AR: variants seen among roughly 807,000 people sequenced by gnomAD.
AR encodes androgen receptor.
Under a neutral mutation model 53.9 loss-of-function variants are expected in AR, and 8 were observed. That is an observed-to-expected ratio of 0.15 (90% CI 0.09 to 0.27). The LOEUF (loss-of-function observed/expected upper bound fraction) is 0.27. AR is among the 10% of genes least tolerant of loss of function. The pLI, the probability that AR is intolerant of heterozygous loss-of-function variation, is 1.00. For synonymous variants in AR, 359 were observed against 316.4 expected (o/e 1.13, Z -1.43); for missense variants, 639 against 742.5 (o/e 0.86, Z 1.62).
intron 2 of AR, among the ~76,000 whole-genome samples, chrX:67,657,560 T>A (rs1410788858): frequency 8.9e-6 from 1 of 112,070 alleles, no homozygotes; most frequent in Non-Finnish European, 1.9e-5. Flanking sequence ...GAAACCATGA[T>A]TTTACTTTAA....
chrX:67,667,330 C>T (rs1401955186), intron 2 of AR, among the ~76,000 whole-genome samples: 1 of 111,409 alleles, frequency 9.0e-6, no homozygotes, highest in Non-Finnish European at 1.9e-5. Context: ...CTCTAATATA[C>T]GTTCTTGGCA....
chrX:67,545,858 G>A lies in AR; in HGVS notation c.712G>A (p.Glu238Lys), dbSNP rs2147318014. 8.2e-7 allele frequency: 1 copy of A among 1,212,201 alleles called. No individual in the cohort carries two copies. The highest frequency in any genetic ancestry group is 1.8e-5 in the South Asian group (1 of 57,013). The change falls in exon 1 of 8, where the codon GAG becomes AAG. Residue 238 changes from glutamate to lysine, a missense_variant. This residue lies in a region of AR where 423 missense variants were observed against 377.0 expected (regional missense o/e 1.12). Transcript: ENST00000374690. ...GTSTISDNAK[E>K]LCKAVSVSMG... Reference sequence around the variant, plus strand: ...TTCGACCATTTCTGACAACGCCAAGGAGTTGTGTAAGGCAGTGTCGGTGTC... The same window carrying A: ...TTCGACCATTTCTGACAACGCCAAGAAGTTGTGTAAGGCAGTGTCGGTGTC...
Position 67,544,458 on chromosome X carries a change from C to G in AR, c.-689C>G, listed in dbSNP as rs1472133515. On this transcript the variant is annotated 5_prime_UTR_variant, in exon 1 of 8. Transcript: ENST00000374690. ...ACCACCCTTCTCCCCACCCGCCCCC[C>G]CGCCCCCGTCGGCCCAGCGCTGCCA... is the stretch of plus-strand genomic sequence containing the variant. 7.4e-6 allele frequency: 1 copy of G among 135,584 alleles called. No homozygotes were observed. The highest frequency in any genetic ancestry group is 1.4e-5 in the Non-Finnish European group (1 of 71,920). The allele number at this position is 135,584 out of a possible 1,213,427, so 11.2% of individuals were successfully genotyped here.
At chrX:67,671,309 G>A (rs1227653285) in intron 2 of AR, among the ~76,000 whole-genome samples, 4 of 111,971 alleles carry the variant, frequency 3.6e-5, no homozygotes, top group Non-Finnish European at 7.5e-5. Flanking sequence ...GCATGAGATG[G>A]TATCTCATTG....
chrX:67,551,573 C>T (rs1160416226), intron 1 of AR, among the ~76,000 whole-genome samples: 1 of 111,648 alleles, frequency 9.0e-6, no homozygotes, highest in South Asian at 3.7e-4. Context: ...AAAAAAGAGA[C>T]GGTGTTTTCC....
rs1007084818 is a variant in AR, at chrX:67,545,426, G to T, written c.280G>T (p.Asp94Tyr). The change falls in exon 1 of 8, where the codon GAT (aspartate) becomes TAT (tyrosine). Residue 94 changes from aspartate (D) to tyrosine (Y), a missense_variant. Transcript: ENST00000374690. ...PRQQQQQQGE[D>Y]GSPQAHRRGP... ...GCAGCAGCAGCAGCAGCAGGGTGAG[G>T]ATGGTTCTCCCCAAGCCCATCGTAG... is the stretch of plus-strand genomic sequence containing the variant. The T allele has an allele frequency of 8.3e-7, 1 of 1,198,492 alleles. No homozygotes were observed. The highest frequency in any genetic ancestry group is 1.1e-6 in the Non-Finnish European group (1 of 889,310).
Position 67,730,405 on chromosome X carries a change from A to T in AR, c.*6564A>T, listed in dbSNP as rs893780838. 3 of 172,094 alleles carry T rather than the reference A, an allele frequency of 1.7e-5. No homozygotes were observed. Among genetic ancestry groups the T allele is most frequent in the Admixed American group, 8.0e-5 (1 of 12,525 alleles). The allele number at this position is 172,094 out of a possible 1,213,427, so 14.2% of individuals were successfully genotyped here. ...GGCAGAAACTTGTTTGTTGGACTACATGTGTGACTTTGGGTCTGTCTCTGC... is the reference window on the plus strand; with the variant it reads ...GGCAGAAACTTGTTTGTTGGACTACTTGTGTGACTTTGGGTCTGTCTCTGC... On this transcript the variant is annotated 3_prime_UTR_variant, in exon 8 of 8. Coordinates refer to ENST00000374690, the MANE Select transcript of AR (RefSeq NM_000044.6).
At chrX:67,709,589 G>A (rs566126305) in intron 3 of AR, among the ~76,000 whole-genome samples, 11 of 112,131 alleles carry the variant, frequency 9.8e-5, no homozygotes, top group East Asian at 2.8e-4. Flanking sequence ...TGCACTTCCC[G>A]GGTGAGGCGA....
chrX:67,561,149 G>T (rs1921283538), intron 1 of AR, among the ~76,000 whole-genome samples: 1 of 112,153 alleles, frequency 8.9e-6, no homozygotes, highest in African/African-American at 3.2e-5. Context: ...TCTCTTTAGG[G>T]CAAAGGTTGG....
chrX:67,546,736 C>T lies in AR; in HGVS notation c.1590C>T (p.Ser530=), dbSNP rs1396142336. 4.4e-5 allele frequency: 53 copies of T among 1,205,723 alleles called. No individual in the cohort carries two copies. The highest frequency in any genetic ancestry group is 5.9e-5 in the Non-Finnish European group (53 of 893,231). ...VKSEMGPWMD[S]YSGPYGDMRL... ...GCGAAATGGGCCCCTGGATGGATAG[C>T]TACTCCGGACCTTACGGGGACATGC... The change falls in exon 1 of 8, where the codon AGC becomes AGT. Residue 530 remains serine (S), a synonymous_variant. Coordinates refer to ENST00000374690, the MANE Select transcript of AR (RefSeq NM_000044.6).
At chrX:67,592,821 A>G (rs2147367459) in intron 1 of AR, among the ~76,000 whole-genome samples, 1 of 111,172 alleles carries the variant, frequency 9.0e-6, no homozygotes, top group East Asian at 2.8e-4. Context: ...GCAATGACTT[A>G]CTGAGTAATT....
At chrX:67,577,004 C>CT (rs35442632) in intron 1 of AR, among the ~76,000 whole-genome samples, 4,126 of 90,767 alleles carry the variant, frequency 0.045, 162 homozygotes, top group African/African-American at 0.086. Flanking sequence ...CTCTCTCTCT[C>CT]TTTTTTTTTT....
intron 3 of AR, among the ~76,000 whole-genome samples, chrX:67,697,047 G>C (rs1301791036): frequency 1.8e-5 from 2 of 111,538 alleles, no homozygotes; most frequent in African/African-American, 6.5e-5. Context: ...TTTGGAAATG[G>C]GTCCTTTTCT....
At chrX:67,693,848 T>G (rs991591621) in intron 3 of AR, among the ~76,000 whole-genome samples, 1 of 112,329 alleles carries the variant, frequency 8.9e-6, no homozygotes, top group Non-Finnish European at 1.9e-5. Flanking sequence ...CATAGAAATA[T>G]ATTTTCCCTT....
intron 7 of AR, 145 bp from the exon 8 acceptor site, chrX:67,723,541 G>A (rs866322150): frequency 3.1e-5 from 9 of 287,769 alleles, no homozygotes; most frequent in Admixed American, 2.2e-4. Flanking sequence ...ACACACACAC[G>A]ACCTCATGGG....
chrX:67,675,421 C>T (rs1295600793), intron 2 of AR, among the ~76,000 whole-genome samples: 1 of 111,514 alleles, frequency 9.0e-6, no homozygotes, highest in Non-Finnish European at 1.9e-5. Flanking sequence ...ATTTGAGATC[C>T]CAGAGCACTT....
intron 1 of AR, among the ~76,000 whole-genome samples, chrX:67,622,231 C>T (rs1026488284): frequency 9.0e-6 from 1 of 111,659 alleles, no homozygotes; most frequent in Non-Finnish European, 1.9e-5. Context: ...GTGGAAATAG[C>T]TCTCAGTCCT....
At chrX:67,675,636 G>T (rs546428443) in intron 2 of AR, among the ~76,000 whole-genome samples, 36 of 111,838 alleles carry the variant, frequency 3.2e-4, no homozygotes, top group Non-Finnish European at 6.0e-4. Context: ...AGCCTGCTCT[G>T]AACACCATGT....
At chrX:67,699,187 G>A (rs1393272730) in intron 3 of AR, among the ~76,000 whole-genome samples, 1 of 112,414 alleles carries the variant, frequency 8.9e-6, no homozygotes, top group Admixed American at 9.4e-5. Flanking sequence ...TCACTGTTTT[G>A]TAAGTCAGAA....
Sources: allele counts gnomAD v4.1 joint callset (sites outside exome capture counted in the v4.1 genomes callset), GRCh38; gene constraint gnomAD v4.1.1; regional missense constraint gnomAD v4.1.1; transcripts MANE v1.5; gene names NCBI Gene and HGNC (gene_info 2026-07-23, HGNC 2026-07-21).